Variants in ZFHX3 observed in about 807,000 individuals in gnomAD.
ZFHX3 encodes zinc finger homeobox protein 3.
A neutral mutation model predicts 279.1 loss-of-function variants in ZFHX3; 42 were observed. The observed-to-expected ratio is 0.15, with a 90% CI of 0.12 to 0.19. The LOEUF is 0.19. Ranked by LOEUF, ZFHX3 falls within the 10% of genes least tolerant of loss-of-function variation. The pLI, the probability that ZFHX3 is intolerant of heterozygous loss-of-function variation, is 1.00. For missense variants in ZFHX3, 4,981 were observed against 4,754.0 expected (o/e 1.05, Z -1.40); for synonymous variants, 2,293 against 1,957.8 (o/e 1.17, Z -4.52).
chr16:73,284,473 T>A (rs976761402), intron 4 of ZFHX3, among the ~76,000 whole-genome samples: 3 of 152,030 alleles, frequency 2.0e-5, no homozygotes, highest in Non-Finnish European at 2.9e-5. Context: ...ACTAAAACAC[T>A]AAAATTAAAA....
chr16:73,753,617 A>G (rs935239349), intron 1 of ZFHX3, among the ~76,000 whole-genome samples: 4 of 152,190 alleles, frequency 2.6e-5, no homozygotes, highest in African/African-American at 9.7e-5. Context: ...GCAAGGTAGC[A>G]GTACCATTCA....
chr16:73,077,743 A>T (rs1239725685), intron 8 of ZFHX3, among the ~76,000 whole-genome samples: 1 of 152,222 alleles, frequency 6.6e-6, no homozygotes, highest in Admixed American at 6.5e-5. Flanking sequence ...AAGACCAAAG[A>T]CAGACAGAGT....
intron 2 of ZFHX3, among the ~76,000 whole-genome samples, chr16:73,559,351 C>T (rs973125591): frequency 3.9e-5 from 6 of 152,084 alleles, no homozygotes; most frequent in Non-Finnish European, 7.4e-5. Flanking sequence ...CCCCGTCTCC[C>T]AGCAATTTCC....
intron 1 of ZFHX3, among the ~76,000 whole-genome samples, chr16:73,693,158 C>T (rs1567553692): frequency 6.6e-6 from 1 of 152,102 alleles, no homozygotes; most frequent in Non-Finnish European, 1.5e-5. Flanking sequence ...AGCCCTTGGG[C>T]TTCATCAGCT....
intron 3 of ZFHX3, among the ~76,000 whole-genome samples, chr16:72,938,295 C>A (rs1288815681): frequency 6.6e-6 from 1 of 152,274 alleles, no homozygotes; most frequent in African/African-American, 2.4e-5. Flanking sequence ...ATCTCAGCAA[C>A]GCAGGGCGTG....
chr16:73,099,453 GTAATCC>G (rs1190548300), intron 7 of ZFHX3: 6 of 152,270 alleles, frequency 3.9e-5, no homozygotes, highest in African/African-American at 1.4e-4. Context: ...GCTCACACCT[GTAATCC>G]CTGCACTTTG....
At chr16:73,055,425 C>T (rs929504860) in intron 1 of ZFHX3, among the ~76,000 whole-genome samples, 1 of 152,080 alleles carries the variant, frequency 6.6e-6, no homozygotes, top group Non-Finnish European at 1.5e-5. Context: ...CTAAAATATA[C>T]ACCAAAAAAT....
At chr16:73,848,238 A>G (rs1388566278) in intron 1 of ZFHX3, among the ~76,000 whole-genome samples, 1 of 152,124 alleles carries the variant, frequency 6.6e-6, no homozygotes, top group East Asian at 1.9e-4. Context: ...AGTAGACACT[A>G]GACTCCCTTA....
chr16:73,836,476 T>C (rs1961147774), intron 1 of ZFHX3, among the ~76,000 whole-genome samples: 1 of 152,210 alleles, frequency 6.6e-6, no homozygotes, highest in African/African-American at 2.4e-5. Context: ...TTGAGTCATT[T>C]CATAAACACG....
At chr16:73,649,850 A>T (rs976530413) in intron 2 of ZFHX3, among the ~76,000 whole-genome samples, 3 of 152,184 alleles carry the variant, frequency 2.0e-5, no homozygotes, top group Admixed American at 6.5e-5. Context: ...AGGGAGGTAG[A>T]ATCAAAAGGG....
chr16:73,483,078 C>T (rs1464097237), intron 2 of ZFHX3, among the ~76,000 whole-genome samples: 4 of 152,148 alleles, frequency 2.6e-5, no homozygotes, highest in Non-Finnish European at 5.9e-5. Context: ...GGTTAGAATT[C>T]AATGAACAAA....
intron 2 of ZFHX3, among the ~76,000 whole-genome samples, chr16:73,655,768 T>C (rs565095063): frequency 2.0e-4 from 30 of 152,170 alleles, no homozygotes; most frequent in Non-Finnish European, 3.5e-4. Flanking sequence ...AGTGAGAGTA[T>C]AAAACAAAAA....
chr16:73,509,281 C>T (rs1297907365), intron 2 of ZFHX3, among the ~76,000 whole-genome samples: 1 of 152,146 alleles, frequency 6.6e-6, no homozygotes, highest in Non-Finnish European at 1.5e-5. Flanking sequence ...TTGAAAATGG[C>T]ACCACCTCAC....
chr16:72,957,221 T>C (rs922718970), intron 2 of ZFHX3, among the ~76,000 whole-genome samples: 2 of 152,216 alleles, frequency 1.3e-5, no homozygotes, highest in Admixed American at 6.5e-5. Context: ...CAAGCATATC[T>C]CTTTTGAATG....
intron 1 of ZFHX3, among the ~76,000 whole-genome samples, chr16:72,997,834 C>A (rs1963350470): frequency 6.6e-6 from 1 of 152,176 alleles, no homozygotes; most frequent in Non-Finnish European, 1.5e-5. Flanking sequence ...AATCCTGACA[C>A]TTTGGGAGGC....
intron 2 of ZFHX3, among the ~76,000 whole-genome samples, chr16:73,473,025 G>A (rs1213191205): frequency 2.7e-5 from 4 of 150,884 alleles, no homozygotes; most frequent in African/African-American, 9.8e-5. Context: ...CTAGTACAGG[G>A]GCCCCTGGAT....
intron 4 of ZFHX3, among the ~76,000 whole-genome samples, chr16:73,316,753 C>G (rs950313572): frequency 6.6e-6 from 1 of 152,182 alleles, no homozygotes. Context: ...TATACTTAGG[C>G]CTTCACATTC....
At chr16:72,965,664 T>C (rs1006648239) in intron 1 of ZFHX3, among the ~76,000 whole-genome samples, 3 of 152,104 alleles carry the variant, frequency 2.0e-5, no homozygotes, top group African/African-American at 7.2e-5. Flanking sequence ...AAAAGCAATA[T>C]AAAGTAATAT....
intron 3 of ZFHX3, among the ~76,000 whole-genome samples, chr16:73,348,136 T>C (rs1455739637): frequency 6.6e-6 from 1 of 152,212 alleles, no homozygotes; most frequent in East Asian, 1.9e-4. Flanking sequence ...GCAGGCCGAC[T>C]GCTTAAAAGG....
Sources: gnomAD v4.1 joint callset for allele counts (sites outside exome capture counted in the v4.1 genomes callset) on GRCh38, gnomAD v4.1.1 for gene constraint, MANE v1.5 for transcripts, NCBI Gene and HGNC (gene_info 2026-07-23, HGNC 2026-07-21) for gene names.